Variants in UCKL1 observed in about 807,000 individuals in gnomAD.
The protein encoded by UCKL1 is uridine-cytidine kinase 1 like 1.
Under a neutral mutation model 59.2 loss-of-function variants are expected in UCKL1, and 65 were observed. That is an observed-to-expected ratio of 1.10 (90% confidence interval 0.90 to 1.35). The LOEUF (loss-of-function observed/expected upper bound fraction) is 1.35, where lower values mean the gene tolerates loss of function less well. Among genes scored for constraint, UCKL1 ranks in the 40% most tolerant of loss-of-function variants. The pLI is 0.00. For synonymous variants in UCKL1, 410 were observed against 323.1 expected, an observed-to-expected ratio of 1.27 and a Z score of -2.88; for missense variants, 703 against 784.3, an observed-to-expected ratio of 0.90 and a Z score of 1.24.
chr20:63,951,255 C>T (rs1184350209), intron 1 of UCKL1: 16 of 962,384 alleles, frequency 1.7e-5, no homozygotes, highest in Non-Finnish European at 1.9e-5. Flanking sequence ...TGACAATCCT[C>T]GGGCCAGCCC....
At chr20:63,946,086 G>T in intron 3 of UCKL1, 75 bp downstream of exon 3, 1 of 1,608,630 alleles carries the variant, frequency 6.2e-7, no homozygotes, top group South Asian at 1.1e-5. Context: ...CTGAGACCAG[G>T]GACCTACTTT....
At chr20:63,947,229 G>A (rs115612798) in intron 1 of UCKL1, among the ~76,000 whole-genome samples, 1,662 of 152,330 alleles carry the variant, frequency 0.011, 28 homozygotes, top group African/African-American at 0.036. Flanking sequence ...GAGGAGAGGC[G>A]CTATCTTGGG....
intron 1 of UCKL1, among the ~76,000 whole-genome samples, chr20:63,946,875 T>C (rs902397765): frequency 6.6e-6 from 1 of 151,752 alleles, no homozygotes; most frequent in African/African-American, 2.4e-5. Flanking sequence ...GTCAGGAGTT[T>C]GAGACCAGCC....
At chr20:63,945,082 C>T (rs1314932619) in intron 5 of UCKL1, among the ~76,000 whole-genome samples, 3 of 152,206 alleles carry the variant, frequency 2.0e-5, no homozygotes, top group Non-Finnish European at 4.4e-5. Flanking sequence ...GATCTCCTTA[C>T]TTTGCTTGGG....
chr20:63,948,991 C>T lies in UCKL1; in HGVS notation c.114-2348G>A, dbSNP rs369888759. Among the ~76,000 whole-genome samples the T allele has an allele frequency of 2.1e-3, 315 of 152,152 alleles. 1 individual carries two copies. Among genetic ancestry groups the T allele is most frequent in the African/African-American group, 7.0e-3 (292 of 41,472 alleles). On this transcript the variant is annotated intron_variant, in intron 1 of 14. Transcript: ENST00000354216. ...ACAGGGGGCAGTGGAAGGAGGGAGCCCAGCCCGACACGTGACAGCTCTCCT... is the reference window on the plus strand; with the variant it reads ...ACAGGGGGCAGTGGAAGGAGGGAGCTCAGCCCGACACGTGACAGCTCTCCT...
chr20:63,946,778 A>G, intron 1 of UCKL1, 135 bp from the exon 2 acceptor site: 1 of 888,802 alleles, frequency 1.1e-6, no homozygotes, highest in South Asian at 1.7e-5. Flanking sequence ...CATTGGGGGT[A>G]CATAAGAACT....
rs989648776 is a variant in UCKL1, at chr20:63,941,185, T to G, written c.947A>C (p.Gln316Pro). 1.3e-6 allele frequency: 2 copies of G among 1,559,650 alleles called. No homozygotes were observed. Among genetic ancestry groups the G allele is most frequent in the African/African-American group, 2.7e-5 (2 of 73,578 alleles). ...CAGCGTCCGGGGCAGCGGGTGGCACTGGTGTGCCGAGGCCAGCGCAGCCCT... is the reference window on the plus strand; with the variant it reads ...CAGCGTCCGGGGCAGCGGGTGGCACGGGTGTGCCGAGGCCAGCGCAGCCCT... ...SVRAALASAH[Q>P]CHPLPRTLSV... Residue 316 changes from glutamine (Q) to proline (P), a missense_variant, in exon 9 of 15, where the codon CAG (glutamine) becomes CCG (proline). Physicochemically the swap from Gln to Pro is moderately conservative, Grantham distance 76 (BLOSUM62 -1). Around this residue, in one of 4 missense-constraint regions of UCKL1, gnomAD observed 156 missense variants for 185.6 expected, o/e 0.84. Coordinates refer to ENST00000354216, the MANE Select transcript of UCKL1 (RefSeq NM_017859.4).
In UCKL1 at chr20:63,946,459, C is replaced by T. The variant is rs773030067; in HGVS notation, c.298G>A (p.Ala100Thr). Residue 100 changes from alanine to threonine, a missense_variant, in exon 2 of 15, where the codon GCC (alanine) becomes ACC (threonine). Physicochemically the swap from Ala to Thr is moderately conservative, Grantham distance 58 (BLOSUM62 0). This residue lies in a region of UCKL1 where 398 missense variants were observed against 373.0 expected (regional missense o/e 1.07). Coordinates refer to ENST00000354216, the MANE Select transcript of UCKL1 (RefSeq NM_017859.4). ...ACCCCCCCGCTGCTCTCACCGATGG[C>T]GAAGGCCTCTTTGGATTGCGTGCCG... The part of the protein sequence containing the change: ...EHGTQSKEAF[A>T]IGLGGGSASG... The T allele has an allele frequency of 1.9e-5, 29 of 1,559,430 alleles. No individual in the cohort carries two copies. Among genetic ancestry groups the T allele is most frequent in the South Asian group, 6.1e-5 (5 of 82,352 alleles).
intron 8 of UCKL1, among the ~76,000 whole-genome samples, chr20:63,941,940 AAG>A (rs981551177): frequency 2.7e-5 from 4 of 149,916 alleles, no homozygotes; most frequent in Admixed American, 1.3e-4. Flanking sequence ...AGGGGAAGGA[AAG>A]AGGCAGGGCA....
intron 1 of UCKL1, among the ~76,000 whole-genome samples, chr20:63,949,526 G>A (rs56166058): frequency 0.14 from 21,287 of 152,192 alleles, 1,928 homozygotes; most frequent in Non-Finnish European, 0.19. Flanking sequence ...GGCCTGCAAG[G>A]GTCACCCCCG....
chr20:63,941,258 GCCCT>G, intron 8 of UCKL1, 50 bp from the exon 9 acceptor site: 1 of 1,455,362 alleles, frequency 6.9e-7, no homozygotes. Flanking sequence ...TTTTCCCAGA[GCCCT>G]CCCTCCCCAC....
chr20:63,944,867 G>T, intron 5 of UCKL1, 133 bp from the exon 6 acceptor site: 1 of 1,056,564 alleles, frequency 9.5e-7, no homozygotes, highest in Non-Finnish European at 1.4e-6. Context: ...ACCCTGGCAG[G>T]TGGGGAGGAG....
At chr20:63,952,181 G>A (rs1026129389) in intron 1 of UCKL1, among the ~76,000 whole-genome samples, 3 of 152,200 alleles carry the variant, frequency 2.0e-5, no homozygotes, top group Non-Finnish European at 4.4e-5. Flanking sequence ...TCGGGGAGGC[G>A]GAGGCTGTCC....
At chr20:63,952,693 A>G (rs1282311479) in intron 1 of UCKL1, among the ~76,000 whole-genome samples, 2 of 152,194 alleles carry the variant, frequency 1.3e-5, no homozygotes, top group African/African-American at 4.8e-5. Flanking sequence ...TCCTCCTTGC[A>G]GGTGGGGCTG....
rs1490664586 is a variant in UCKL1, at chr20:63,940,995, C to G, written c.1071G>C (p.Leu357=). 11 of 1,537,586 alleles carry G rather than the reference C, an allele frequency of 7.2e-6. No individual in the cohort carries two copies. Among genetic ancestry groups the G allele is most frequent in the African/African-American group, 1.4e-5 (1 of 72,498 alleles). ...GCGCGTGCTCGATGAGCAGCCGCATCAGTCTCTTGGAGTAGAAGATGAACT... is the reference window on the plus strand; with the variant it reads ...GCGCGTGCTCGATGAGCAGCCGCATGAGTCTCTTGGAGTAGAAGATGAACT... ...RDEFIFYSKR[L]MRLLIEHALS... is the part of the protein sequence containing the mutation. Residue 357 remains leucine, a synonymous_variant, in exon 10 of 15, where the codon CTG becomes CTC. Coordinates refer to ENST00000354216, the MANE Select transcript of UCKL1 (RefSeq NM_017859.4).
At chr20:63,947,219 G>A (rs1040981088) in intron 1 of UCKL1, among the ~76,000 whole-genome samples, 1 of 152,234 alleles carries the variant, frequency 6.6e-6, no homozygotes, top group African/African-American at 2.4e-5. Context: ...ACAAGGGAAG[G>A]AGGAGAGGCG....
intron 1 of UCKL1, among the ~76,000 whole-genome samples, chr20:63,951,468 G>C (rs2057581460): frequency 6.6e-6 from 1 of 152,168 alleles, no homozygotes; most frequent in Non-Finnish European, 1.5e-5. Flanking sequence ...TCTTGGCCAG[G>C]TGTCCTGAAC....
intron 8 of UCKL1, chr20:63,941,743 T>C (rs2054517346): frequency 4.8e-6 from 1 of 206,242 alleles, no homozygotes; most frequent in African/African-American, 2.4e-5. Context: ...AGCCTGGGGA[T>C]GGCCGGGGCA....
At chr20:63,945,116 G>T (rs1292489553) in intron 5 of UCKL1, among the ~76,000 whole-genome samples, 1 of 152,202 alleles carries the variant, frequency 6.6e-6, no homozygotes, top group Admixed American at 6.5e-5. Flanking sequence ...ACACACTGGG[G>T]AATGGGGGAC....
Sources: allele counts gnomAD v4.1 joint callset (sites outside exome capture counted in the v4.1 genomes callset), GRCh38; gene constraint gnomAD v4.1.1; regional missense constraint gnomAD v4.1.1; transcripts MANE v1.5; gene names NCBI Gene and HGNC (gene_info 2026-07-23, HGNC 2026-07-21).